The following SYT16 variants were observed in gnomAD, a reference collection of about 807,000 sequenced individuals.
SYT16 encodes synaptotagmin 16, also known as synaptotagmin-16.
SYT16 carries 42 observed loss-of-function variants against 61.4 expected under a neutral mutation model. The ratio of observed to expected loss-of-function variants is 0.68; its 90% CI spans 0.53 to 0.89. The LOEUF (loss-of-function observed/expected upper bound fraction) is 0.89, where lower values mean the gene tolerates loss of function less well. SYT16 is among the 40% of genes least tolerant of loss of function. The pLI is 0.00. For missense variants in SYT16, 804 were observed against 807.3 expected (o/e 1.00, Z 0.05); for synonymous variants, 314 against 302.3 (o/e 1.04, Z -0.40).
intron 1 of SYT16, among the ~76,000 whole-genome samples, chr14:61,940,375 G>A (rs2140448492): frequency 6.6e-6 from 1 of 151,776 alleles, no homozygotes; most frequent in East Asian, 1.9e-4. Context: ...AATCCCTATT[G>A]ACAGTGTCTG....
At chr14:62,091,677 T>C (rs1485566254) in intron 7 of SYT16, among the ~76,000 whole-genome samples, 1 of 152,190 alleles carries the variant, frequency 6.6e-6, no homozygotes, top group Non-Finnish European at 1.5e-5. Flanking sequence ...GTTGGATCCT[T>C]ACCTAACACC....
intron 3 of SYT16, among the ~76,000 whole-genome samples, chr14:62,009,050 C>T (rs2140691099): frequency 6.6e-6 from 1 of 152,282 alleles, no homozygotes; most frequent in Non-Finnish European, 1.5e-5. Context: ...GAATAAATTT[C>T]CTTCCCTTCC....
At chr14:62,037,386 A>G (rs1196042518) in intron 3 of SYT16, among the ~76,000 whole-genome samples, 1 of 152,188 alleles carries the variant, frequency 6.6e-6, no homozygotes, top group Non-Finnish European at 1.5e-5. Context: ...TTTATTAACT[A>G]TCAACATGTG....
intron 3 of SYT16, among the ~76,000 whole-genome samples, chr14:62,036,773 A>G (rs1353182168): frequency 3.9e-5 from 6 of 152,102 alleles, no homozygotes; most frequent in Non-Finnish European, 7.4e-5. Context: ...TCATGATTCA[A>G]TCACCTCCCA....
intron 1 of SYT16, among the ~76,000 whole-genome samples, chr14:61,935,624 G>A (rs1256284516): frequency 6.6e-6 from 1 of 152,290 alleles, no homozygotes; most frequent in Middle Eastern, 3.4e-3. Flanking sequence ...GAGTCGACAC[G>A]TGGCAGTTTC....
At chr14:61,975,772 G>C (rs1415238996) in intron 2 of SYT16, among the ~76,000 whole-genome samples, 1 of 152,084 alleles carries the variant, frequency 6.6e-6, no homozygotes, top group Non-Finnish European at 1.5e-5. Flanking sequence ...ATGAGGTTTG[G>C]GTGGGGACAC....
At chr14:61,912,479 A>G (rs774226742) in intron 1 of SYT16, among the ~76,000 whole-genome samples, 65 of 152,216 alleles carry the variant, frequency 4.3e-4, no homozygotes, top group Admixed American at 1.5e-3. Context: ...GGCAAGGTTT[A>G]TGGCCTTTAT....
rs1386418950 is a variant in SYT16 at position 62,107,124 on chromosome 14, A to G, written c.*6417A>G. 3 of 151,192 alleles carry G rather than the reference A, an allele frequency of 2.0e-5. No individual in the cohort carries two copies. The highest frequency in any genetic ancestry group is 4.4e-5 in the Non-Finnish European group (3 of 67,862). 9.4% of individuals were successfully genotyped at this position (151,192 alleles called of 1,614,324 possible). Reference sequence around the variant, plus strand: ...CTGGGGTTTTGTTTGTTTTATACAAAATTTATTCATTCAAAAAGATCTTTA... The same window carrying G: ...CTGGGGTTTTGTTTGTTTTATACAAGATTTATTCATTCAAAAAGATCTTTA... On this transcript the variant is annotated 3_prime_UTR_variant, in exon 8 of 8. Transcript: ENST00000683842.
intron 2 of SYT16, among the ~76,000 whole-genome samples, chr14:61,988,612 T>C (rs921346448): frequency 5.3e-5 from 8 of 152,128 alleles, no homozygotes; most frequent in African/African-American, 1.9e-4. Flanking sequence ...TTGGGTAGAG[T>C]TTAAAAATAT....
chr14:61,891,152 T>A (rs2048109681), intron 1 of SYT16, among the ~76,000 whole-genome samples: 1 of 152,132 alleles, frequency 6.6e-6, no homozygotes, highest in Non-Finnish European at 1.5e-5. Context: ...CAGAGTGTTT[T>A]ATTCCTTGAT....
intron 5 of SYT16, among the ~76,000 whole-genome samples, chr14:62,076,646 A>C (rs1474623796): frequency 2.0e-5 from 3 of 152,124 alleles, no homozygotes; most frequent in Non-Finnish European, 2.9e-5. Flanking sequence ...GAGGCACCCA[A>C]AGCCATTAAC....
At chr14:61,998,091 A>G (rs2052841754) in intron 3 of SYT16, among the ~76,000 whole-genome samples, 1 of 152,012 alleles carries the variant, frequency 6.6e-6, no homozygotes, top group Non-Finnish European at 1.5e-5. Context: ...GAGAAAATTG[A>G]TGGTGAGAGA....
At chr14:62,014,634 A>C (rs1278265356) in intron 3 of SYT16, among the ~76,000 whole-genome samples, 1 of 151,914 alleles carries the variant, frequency 6.6e-6, no homozygotes, top group Admixed American at 6.6e-5. Flanking sequence ...GGGTTTCACC[A>C]TGTTGGCCAG....
At chr14:61,885,555 G>A (rs1298607139) in intron 1 of SYT16, among the ~76,000 whole-genome samples, 1 of 152,064 alleles carries the variant, frequency 6.6e-6, no homozygotes, top group Non-Finnish European at 1.5e-5. Flanking sequence ...GGTCATTGGG[G>A]GTTTGACAAA....
chr14:61,922,836 T>TTCGAGA (rs2049385635), intron 1 of SYT16, among the ~76,000 whole-genome samples: 1 of 152,144 alleles, frequency 6.6e-6, no homozygotes, highest in Admixed American at 6.5e-5. Flanking sequence ...GATCACAAGG[T>TTCGAGA]CAGGAGTTCG....
intron 3 of SYT16, among the ~76,000 whole-genome samples, chr14:62,059,963 C>T (rs1250377259): frequency 6.6e-6 from 1 of 151,998 alleles, no homozygotes; most frequent in Non-Finnish European, 1.5e-5. Context: ...CTGTATTCTG[C>T]TTCATTGATT....
chr14:61,918,596 T>C (rs1367198369), intron 1 of SYT16, among the ~76,000 whole-genome samples: 1 of 152,162 alleles, frequency 6.6e-6, no homozygotes, highest in South Asian at 2.1e-4. Context: ...ATATATTGCC[T>C]GGCAAGAAAA....
intron 1 of SYT16, among the ~76,000 whole-genome samples, chr14:61,860,110 A>ATAGGTAACAATCTTT (rs1344214734): frequency 1.3e-5 from 2 of 152,186 alleles, no homozygotes; most frequent in Non-Finnish European, 2.9e-5. Context: ...CCACCTTGAA[A>ATAGGTAACAATCTTT]TAGGTAACAA....
intron 3 of SYT16, 173 bp from the exon 4 acceptor site, chr14:62,069,430 T>C (rs1431167056): frequency 1.6e-6 from 1 of 622,420 alleles, no homozygotes; most frequent in Non-Finnish European, 2.8e-6. Flanking sequence ...TTCTTTGCTT[T>C]GGACTCAAAT....
Sources: allele counts gnomAD v4.1 joint callset (sites outside exome capture counted in the v4.1 genomes callset), GRCh38; gene constraint gnomAD v4.1.1; transcripts MANE v1.5; gene names NCBI Gene and HGNC (gene_info 2026-07-23, HGNC 2026-07-21).